The following PPIP5K1 variants were observed in gnomAD, a reference collection of about 807,000 sequenced individuals.
The protein encoded by PPIP5K1 is diphosphoinositol pentakisphosphate kinase 1.
Under a neutral mutation model 27.7 loss-of-function variants are expected in PPIP5K1, and 6 were observed. The observed-to-expected ratio is 0.22, with a 90% confidence interval of 0.12 to 0.43. The LOEUF is 0.43. PPIP5K1 is among the 20% of genes least tolerant of loss of function. The probability of loss-of-function intolerance (pLI) is 1.00; values close to 1 mark genes in which losing one functional copy is unlikely to be tolerated. For synonymous variants in PPIP5K1, 145 were observed against 242.6 expected, an observed-to-expected ratio of 0.60 and a Z score of 3.74; for missense variants, 394 against 635.4, an observed-to-expected ratio of 0.62 and a Z score of 4.08.
intron 30 of PPIP5K1, among the ~76,000 whole-genome samples, chr15:43,550,006 A>G (rs2081991143): frequency 6.6e-6 from 1 of 152,142 alleles, no homozygotes; most frequent in Non-Finnish European, 1.5e-5. Flanking sequence ...AGGTCTTGCT[A>G]TGTTGACCAC....
chr15:43,539,749 C>T lies in PPIP5K1; in HGVS notation c.3557-166G>A, dbSNP rs541864091. ...ACCAAACCATTTTCAATTTTTTAAACGTTATATTATGAACATTTTCAAACA... is the reference window on the plus strand; with the variant it reads ...ACCAAACCATTTTCAATTTTTTAAATGTTATATTATGAACATTTTCAAACA... On this transcript the variant is annotated intron_variant, in intron 30 of 31. Coordinates refer to ENST00000420765, the MANE Select transcript of PPIP5K1 (RefSeq NM_001394395.1). 7.9e-5 allele frequency among the ~76,000 whole-genome samples: 12 copies of T among 152,104 alleles called. No homozygotes were observed. In the East Asian group the frequency reaches 1.5e-3, roughly 19 times the overall value.
rs2080357772 is a variant in PPIP5K1, at chr15:43,539,345, C to T, written c.3670+125G>A. The T allele has an allele frequency of 4.1e-6, 3 of 727,210 alleles. No homozygotes were observed. The Admixed American group carries it at 6.4e-5, about 16-fold the overall frequency. 45.0% of individuals were successfully genotyped at this position (727,210 alleles called of 1,614,324 possible). A position where few individuals can be genotyped will look rare whatever the true frequency, so the allele number is the denominator to read the frequency against. On this transcript the variant is annotated intron_variant, in intron 31 of 31. Coordinates refer to ENST00000420765, the MANE Select transcript of PPIP5K1 (RefSeq NM_001394395.1). ...TTAGAAATGGCAGATGAGACTGCTT[C>T]CCAGAATGGATATTCCTGGTCTTTC...
At chr15:43,549,047 AAAAAAAAAAAT>A (rs2081815534) in intron 30 of PPIP5K1, among the ~76,000 whole-genome samples, 1 of 82,936 alleles carries the variant, frequency 1.2e-5, no homozygotes, top group African/African-American at 9.4e-5. Context: ...AAAAAAAAAA[AAAAAAAAAAAT>A]ATATATATAT....
chr15:43,534,369 ACTG>A lies in PPIP5K1; in HGVS notation c.*302_*304del. 3.9e-6 allele frequency: 1 copy of A among 255,690 alleles called. No homozygotes were observed. The highest frequency in any genetic ancestry group is 1.5e-4 in the South Asian group (1 of 6,464). 15.8% of individuals were successfully genotyped at this position (255,690 alleles called of 1,614,324 possible). ...AGCCAATGGCTTCTTCGAACCTAAA[ACTG>A]GCTCCTCCTCAACCACAGCTCTGGC... On this transcript the variant is annotated 3_prime_UTR_variant, in exon 32 of 32. Transcript: ENST00000420765.
intron 31 of PPIP5K1, among the ~76,000 whole-genome samples, chr15:43,535,978 T>G (rs1438088853): frequency 6.6e-5 from 10 of 152,230 alleles, no homozygotes; most frequent in Admixed American, 3.9e-4. Flanking sequence ...CACTCTCATT[T>G]GAATCTGATG....
intron 30 of PPIP5K1, among the ~76,000 whole-genome samples, chr15:43,550,862 T>C (rs1044274815): frequency 1.3e-5 from 2 of 152,250 alleles, no homozygotes; most frequent in African/African-American, 4.8e-5. Flanking sequence ...CTTAGATGAC[T>C]GTGTTTTTTT....
Position 43,537,557 on chromosome 15 carries a change from C to T in PPIP5K1, c.3670+1913G>A, listed in dbSNP as rs149164799. Reference sequence around the variant, plus strand: ...TACAAAAATTAGCCAGGTATGGTGGCACGTGCCTGTAATCCCAGTTACTCA... The same window carrying T: ...TACAAAAATTAGCCAGGTATGGTGGTACGTGCCTGTAATCCCAGTTACTCA... On this transcript the variant is annotated intron_variant, in intron 31 of 31. Transcript: ENST00000420765. Among the ~76,000 whole-genome samples the T allele has an allele frequency of 2.9e-3, 443 of 150,238 alleles. 17 individuals are homozygous for T. The East Asian group carries it at 0.077, about 26-fold the overall frequency.
At chr15:43,539,405 C>A (rs913771100) in intron 31 of PPIP5K1, 65 bp downstream of exon 31, 3 of 1,195,138 alleles carry the variant, frequency 2.5e-6, no homozygotes, top group Admixed American at 2.0e-5. Flanking sequence ...GCAACAGGCC[C>A]CTCATTCACC....
chr15:43,543,749 T>A (rs2081051209), intron 30 of PPIP5K1, among the ~76,000 whole-genome samples: 1 of 151,616 alleles, frequency 6.6e-6, no homozygotes, highest in Non-Finnish European at 1.5e-5. Flanking sequence ...AAATCCTCGT[T>A]CCTAATAACA....
intron 30 of PPIP5K1, among the ~76,000 whole-genome samples, chr15:43,540,109 C>T (rs552789546): frequency 1.2e-4 from 18 of 151,954 alleles, no homozygotes; most frequent in East Asian, 5.8e-4. Flanking sequence ...AAAAATGAGC[C>T]GGCATGGTGG....
chr15:43,558,649 G>A (rs984664428), intron 30 of PPIP5K1, 146 bp downstream of exon 30: 14 of 1,161,096 alleles, frequency 1.2e-5, no homozygotes, highest in East Asian at 7.9e-5. Context: ...GAACCACTGC[G>A]CCCAGCCAGC....
chr15:43,553,356 T>C (rs997026329), intron 30 of PPIP5K1, among the ~76,000 whole-genome samples: 2 of 151,754 alleles, frequency 1.3e-5, no homozygotes, highest in Non-Finnish European at 2.9e-5. Context: ...TTTTTTTTAA[T>C]AGAGACAGGA....
At chr15:43,537,599 G>A (rs1237911450) in intron 31 of PPIP5K1, among the ~76,000 whole-genome samples, 1 of 144,812 alleles carries the variant, frequency 6.9e-6, no homozygotes, top group Non-Finnish European at 1.5e-5. Flanking sequence ...TGAGGTAGGA[G>A]AATCACTTGA....
chr15:43,545,627 G>A (rs545958085), intron 30 of PPIP5K1, among the ~76,000 whole-genome samples: 28 of 152,010 alleles, frequency 1.8e-4, no homozygotes, highest in Non-Finnish European at 3.1e-4. Context: ...ACAGGCATGA[G>A]TCACTGCACC....
chr15:43,543,648 A>C (rs934946177), intron 30 of PPIP5K1, among the ~76,000 whole-genome samples: 8 of 152,134 alleles, frequency 5.3e-5, no homozygotes, highest in African/African-American at 1.9e-4. Context: ...AAAAACCAGA[A>C]TTCATATTGA....
chr15:43,553,307 G>A (rs2082470686), intron 30 of PPIP5K1, among the ~76,000 whole-genome samples: 1 of 151,548 alleles, frequency 6.6e-6, no homozygotes, highest in Non-Finnish European at 1.5e-5. Flanking sequence ...GAGTTGGTTT[G>A]TAGTGTTCTA....
At chr15:43,552,423 T>G (rs1176418398) in intron 30 of PPIP5K1, among the ~76,000 whole-genome samples, 5 of 150,788 alleles carry the variant, frequency 3.3e-5, no homozygotes, top group Non-Finnish European at 5.9e-5. Flanking sequence ...AGTATGTTGT[T>G]GGCTGGGCGC....
At chr15:43,541,121 T>C (rs1040945153) in intron 30 of PPIP5K1, among the ~76,000 whole-genome samples, 2 of 152,054 alleles carry the variant, frequency 1.3e-5, no homozygotes, top group South Asian at 2.1e-4. Flanking sequence ...CCTTTTTTCA[T>C]AGTAACTTTT....
At chr15:43,551,752 G>T (rs1289517423) in intron 30 of PPIP5K1, among the ~76,000 whole-genome samples, 6 of 149,078 alleles carry the variant, frequency 4.0e-5, no homozygotes, top group Non-Finnish European at 8.9e-5. Context: ...ACAGGCGCCC[G>T]CCACTACGCC....
Sources: allele counts gnomAD v4.1 joint callset (sites outside exome capture counted in the v4.1 genomes callset), GRCh38; gene constraint gnomAD v4.1.1; transcripts MANE v1.5; gene names NCBI Gene and HGNC (gene_info 2026-07-23, HGNC 2026-07-21).